The following CSMD1 variants were observed in gnomAD, a reference collection of about 807,000 sequenced individuals.
The protein encoded by CSMD1 is CUB and sushi domain-containing protein 1.
CSMD1 carries 213 observed loss-of-function variants against 417.5 expected under a neutral mutation model. The observed-to-expected ratio is 0.51, with a 90% CI of 0.46 to 0.57. The LOEUF (loss-of-function observed/expected upper bound fraction) is 0.57, where lower values mean the gene tolerates loss of function less well. CSMD1 is among the 20% of genes least tolerant of loss of function. The probability of loss-of-function intolerance (pLI) is 0.00; values close to 1 mark genes in which losing one functional copy is unlikely to be tolerated. For missense variants in CSMD1, 6,923 were observed against 4,529.7 expected (o/e 1.53, Z -15.17); for synonymous variants, 2,862 against 1,736.8 (o/e 1.65, Z -16.11).
chr8:3,769,682 G>A (rs910658832), intron 5 of CSMD1, among the ~76,000 whole-genome samples: 1 of 151,932 alleles, frequency 6.6e-6, no homozygotes, highest in Non-Finnish European at 1.5e-5. Flanking sequence ...ATATATATAT[G>A]ATGTGTGAAT....
chr8:4,426,772 A>C (rs1337557027), intron 2 of CSMD1, among the ~76,000 whole-genome samples: 1 of 148,076 alleles, frequency 6.8e-6, no homozygotes, highest in African/African-American at 2.5e-5. Context: ...TTTATATTAC[A>C]ATACAGATGA....
At chr8:4,698,467 A>C (rs984392551) in intron 1 of CSMD1, among the ~76,000 whole-genome samples, 2 of 152,186 alleles carry the variant, frequency 1.3e-5, no homozygotes, top group Non-Finnish European at 1.5e-5. Context: ...TTATGTTCTC[A>C]TAAGGCAGTT....
chr8:4,670,942 C>G (rs1805280578), intron 1 of CSMD1, among the ~76,000 whole-genome samples: 2 of 152,208 alleles, frequency 1.3e-5, no homozygotes, highest in Admixed American at 6.5e-5. Context: ...AGTCATATAA[C>G]AAACAGTCAT....
intron 3 of CSMD1, among the ~76,000 whole-genome samples, chr8:4,088,652 T>A (rs1007525436): frequency 3.3e-5 from 5 of 152,150 alleles, no homozygotes; most frequent in African/African-American, 2.4e-5. Context: ...CCAAAGTCAT[T>A]GTCTTCATGT....
intron 10 of CSMD1, among the ~76,000 whole-genome samples, chr8:3,534,492 G>A (rs567550193): frequency 7.0e-6 from 1 of 142,708 alleles, no homozygotes. Context: ...TCAGCGATAA[G>A]TAGATATTTT....
intron 2 of CSMD1, among the ~76,000 whole-genome samples, chr8:4,505,860 G>T (rs1802498286): frequency 6.6e-6 from 1 of 151,682 alleles, no homozygotes; most frequent in African/African-American, 2.4e-5. Flanking sequence ...GAGTACAGTG[G>T]CGCGATCTCA....
chr8:3,147,980 C>G (rs562739115), intron 40 of CSMD1, among the ~76,000 whole-genome samples: 1 of 152,166 alleles, frequency 6.6e-6, no homozygotes, highest in East Asian at 1.9e-4. Flanking sequence ...ACCAAGATCA[C>G]CCTAACAGCA....
chr8:4,718,713 A>G (rs1300027715), intron 1 of CSMD1, among the ~76,000 whole-genome samples: 1 of 152,132 alleles, frequency 6.6e-6, no homozygotes, highest in East Asian at 1.9e-4. Flanking sequence ...GTAAATTATC[A>G]TAAAAGACTA....
intron 3 of CSMD1, among the ~76,000 whole-genome samples, chr8:4,240,799 C>T (rs1359827094): frequency 2.0e-5 from 3 of 152,110 alleles, no homozygotes; most frequent in Non-Finnish European, 4.4e-5. Context: ...CAAAAATATC[C>T]ATACTATCTA....
intron 3 of CSMD1, among the ~76,000 whole-genome samples, chr8:4,261,759 G>C (rs745325681): frequency 2.0e-5 from 3 of 152,138 alleles, no homozygotes; most frequent in South Asian, 4.2e-4. Flanking sequence ...TGTTTTCTAT[G>C]TGAAGTGATG....
intron 5 of CSMD1, among the ~76,000 whole-genome samples, chr8:3,892,316 G>A (rs1203656481): frequency 6.6e-6 from 1 of 152,052 alleles, no homozygotes; most frequent in Non-Finnish European, 1.5e-5. Context: ...TGCTGAAAAG[G>A]GAAACTGTCT....
Position 3,932,424 on chromosome 8 carries a change from G to A in CSMD1, c.818+65479C>T, listed in dbSNP as rs905685765. On this transcript the variant is annotated intron_variant, in intron 5 of 69. Transcript: ENST00000635120. ...TGCCATCTGCATTGACATTTCTCAT[G>A]GTATTTCACTCTCATAACCCAGCCT... Among the ~76,000 whole-genome samples the A allele has an allele frequency of 1.3e-5, 2 of 150,226 alleles. 1 individual carries two copies. Among genetic ancestry groups the A allele is most frequent in the Non-Finnish European group, 3.0e-5 (2 of 67,524 alleles).
At chr8:4,917,333 C>T (rs927401415) in intron 1 of CSMD1, among the ~76,000 whole-genome samples, 1 of 152,212 alleles carries the variant, frequency 6.6e-6, no homozygotes, top group Non-Finnish European at 1.5e-5. Flanking sequence ...CTGGGCATTA[C>T]AATTCAACAT....
In CSMD1 at chr8:3,308,323, G is replaced by A. The variant is rs768962641; in HGVS notation, c.3812C>T (p.Pro1271Leu). The A allele has an allele frequency of 1.2e-6, 2 of 1,609,868 alleles. No individual in the cohort carries two copies. The highest frequency in any genetic ancestry group is 1.7e-5 in the Admixed American group (1 of 59,958). Residue 1271 changes from proline (P) to leucine (L), a missense_variant, in exon 24 of 70, where the codon CCT becomes CTT. Pro to Leu is a moderately conservative substitution (Grantham distance 98). Transcript: ENST00000635120. ...GDRRVWDKPLPSCIAECGGQI... is the reference protein window; with the variant it reads ...GDRRVWDKPLLSCIAECGGQI... ...GCTTCCACACTCACCTATGCACGAA[G>A]GTAGTGGTTTGTCCCACACTCTCCT... is the stretch of plus-strand genomic sequence containing the variant.
chr8:3,863,883 TATG>T (rs1236683758), intron 5 of CSMD1, among the ~76,000 whole-genome samples: 3 of 152,192 alleles, frequency 2.0e-5, no homozygotes, highest in Non-Finnish European at 4.4e-5. Context: ...CAAAGATTCG[TATG>T]ATGACTATAA....
chr8:4,529,229 T>C (rs1261847152), intron 2 of CSMD1, among the ~76,000 whole-genome samples: 2 of 152,190 alleles, frequency 1.3e-5, no homozygotes, highest in African/African-American at 4.8e-5. Flanking sequence ...GAGAAGTCAC[T>C]TGTCCCTTTC....
chr8:4,231,231 AG>A (rs1801707931), intron 3 of CSMD1, among the ~76,000 whole-genome samples: 1 of 152,152 alleles, frequency 6.6e-6, no homozygotes, highest in Non-Finnish European at 1.5e-5. Flanking sequence ...TCCCTCTTTG[AG>A]GTTACTGCCG....
At chr8:4,314,459 A>G (rs553779534) in intron 3 of CSMD1, among the ~76,000 whole-genome samples, 3 of 152,300 alleles carry the variant, frequency 2.0e-5, no homozygotes, top group African/African-American at 7.2e-5. Context: ...ATATAAGCCA[A>G]TTTCAATTGC....
intron 3 of CSMD1, among the ~76,000 whole-genome samples, chr8:4,404,121 C>G (rs1052262400): frequency 1.3e-5 from 2 of 152,152 alleles, no homozygotes; most frequent in African/African-American, 4.8e-5. Context: ...CAGAATTCCA[C>G]GCGAGTGTTT....
Sources: gnomAD v4.1 joint callset for allele counts (sites outside exome capture counted in the v4.1 genomes callset) on GRCh38, gnomAD v4.1.1 for gene constraint, MANE v1.5 for transcripts, NCBI Gene and HGNC (gene_info 2026-07-23, HGNC 2026-07-21) for gene names.